The following TMEM45B variants were observed in gnomAD, a reference collection of about 807,000 sequenced individuals.
TMEM45B encodes transmembrane protein 45B.
A neutral mutation model predicts 27.3 loss-of-function variants in TMEM45B; 29 were observed. The observed-to-expected ratio is 1.06, with a 90% CI of 0.79 to 1.45. TMEM45B has a LOEUF of 1.45. TMEM45B is among the 40% of genes most tolerant of loss of function. The pLI, the probability that TMEM45B is intolerant of heterozygous loss-of-function variation, is 0.00. For missense variants in TMEM45B, 348 were observed against 343.9 expected (o/e 1.01, Z -0.09); for synonymous variants, 143 against 134.7 (o/e 1.06, Z -0.43).
chr11:129,853,988 T>C (rs974959647), intron 2 of TMEM45B, among the ~76,000 whole-genome samples: 5 of 152,246 alleles, frequency 3.3e-5, no homozygotes, highest in Non-Finnish European at 7.3e-5. Flanking sequence ...CGTCATTTTC[T>C]GGCCCACATC....
rs180837598 is a variant in TMEM45B at position 129,816,826 on chromosome 11, C to T, written c.-9+928C>T. The stretch of plus-strand genomic sequence containing the variant: ...AATCTCGGATCACTGCAAGCTCCAC[C>T]TCCCGGGTTCACACCATTCTCCTGC... On this transcript the variant is annotated intron_variant, in intron 1 of 5. Transcript: ENST00000281441. Among the ~76,000 whole-genome samples the T allele has an allele frequency of 1.3e-4, 19 of 149,802 alleles. No homozygotes were observed. In the East Asian group the frequency reaches 3.7e-3, roughly 30 times the overall value.
At chr11:129,826,056 T>C (rs1477401733) in intron 1 of TMEM45B, among the ~76,000 whole-genome samples, 2 of 151,794 alleles carry the variant, frequency 1.3e-5, no homozygotes, top group African/African-American at 2.4e-5. Context: ...TTCACTCTAA[T>C]GTATGCTGAG....
chr11:129,840,201 C>T (rs1301661604), intron 1 of TMEM45B, among the ~76,000 whole-genome samples: 5 of 152,094 alleles, frequency 3.3e-5, no homozygotes, highest in African/African-American at 1.2e-4. Context: ...GAAATATAGC[C>T]CATCCCCATC....
At chr11:129,818,160 C>A (rs1591430828) in intron 1 of TMEM45B, among the ~76,000 whole-genome samples, 1 of 152,210 alleles carries the variant, frequency 6.6e-6, no homozygotes, top group East Asian at 1.9e-4. Context: ...ACCCCTCTCC[C>A]CAAAACCTTC....
At chr11:129,853,256 C>T (rs1004706585) in intron 2 of TMEM45B, among the ~76,000 whole-genome samples, 12 of 152,234 alleles carry the variant, frequency 7.9e-5, no homozygotes, top group African/African-American at 2.7e-4. Flanking sequence ...CCACTCCGCT[C>T]CACTGCGGCC....
chr11:129,851,624 C>T (rs543729286), intron 1 of TMEM45B, among the ~76,000 whole-genome samples: 40 of 151,366 alleles, frequency 2.6e-4, no homozygotes, highest in Middle Eastern at 3.4e-3. Context: ...ATTCAAACCA[C>T]AGCAATCACC....
At chr11:129,822,841 CTTTTT>C (rs981694529) in intron 1 of TMEM45B, among the ~76,000 whole-genome samples, 4 of 134,128 alleles carry the variant, frequency 3.0e-5, no homozygotes, top group African/African-American at 5.6e-5. Flanking sequence ...AAACATTTTT[CTTTTT>C]TTTTTTTTTT....
intron 1 of TMEM45B, among the ~76,000 whole-genome samples, chr11:129,849,140 C>T (rs1189216038): frequency 6.6e-6 from 1 of 152,174 alleles, no homozygotes; most frequent in Non-Finnish European, 1.5e-5. Flanking sequence ...AATCTAAGTC[C>T]AGAATCTTAT....
At chr11:129,852,818 G>T in intron 2 of TMEM45B, 158 bp downstream of exon 2, 1 of 719,998 alleles carries the variant, frequency 1.4e-6, no homozygotes, top group Non-Finnish European at 2.2e-6. Flanking sequence ...AACATCCATT[G>T]TGTACAGAGC....
At chr11:129,841,660 G>A (rs1436747596) in intron 1 of TMEM45B, among the ~76,000 whole-genome samples, 3 of 148,454 alleles carry the variant, frequency 2.0e-5, no homozygotes, top group Admixed American at 6.8e-5. Flanking sequence ...GCAGTGACGT[G>A]ATCTCAGCTC....
At chr11:129,836,716 G>C (rs1408191322) in intron 1 of TMEM45B, among the ~76,000 whole-genome samples, 3 of 152,124 alleles carry the variant, frequency 2.0e-5, no homozygotes, top group African/African-American at 7.2e-5. Flanking sequence ...GCCAAGGAGA[G>C]AGGCCTCCAG....
chr11:129,857,503 AG>A, intron 5 of TMEM45B, 45 bp downstream of exon 5: 1 of 1,607,700 alleles, frequency 6.2e-7, no homozygotes, highest in Admixed American at 1.7e-5. Context: ...AACTCTAAGC[AG>A]GACTGATGTG....
chr11:129,826,399 A>G (rs893855211), intron 1 of TMEM45B, among the ~76,000 whole-genome samples: 19 of 151,878 alleles, frequency 1.3e-4, no homozygotes, highest in Admixed American at 1.2e-3. Context: ...AATACAAAAA[A>G]TTAGCTGGGC....
chr11:129,845,337 A>ATGTGTGTG (rs10628378), intron 1 of TMEM45B, among the ~76,000 whole-genome samples: 31 of 121,526 alleles, frequency 2.6e-4, no homozygotes, highest in East Asian at 1.6e-3. Context: ...GCTATTATAG[A>ATGTGTGTG]TGTGTGTGTG....
At chr11:129,830,290 G>T (rs747338822) in intron 1 of TMEM45B, among the ~76,000 whole-genome samples, 14 of 152,304 alleles carry the variant, frequency 9.2e-5, no homozygotes, top group Non-Finnish European at 1.9e-4. Flanking sequence ...TCATGCCATT[G>T]CACTCCAGCC....
At chr11:129,851,548 A>G (rs1371412965) in intron 1 of TMEM45B, among the ~76,000 whole-genome samples, 1 of 140,586 alleles carries the variant, frequency 7.1e-6, no homozygotes, top group Non-Finnish European at 1.6e-5. Flanking sequence ...TGCCTCAAAA[A>G]AAAAAAAAAA....
At chr11:129,830,580 A>G (rs1036796451) in intron 1 of TMEM45B, among the ~76,000 whole-genome samples, 1 of 152,252 alleles carries the variant, frequency 6.6e-6, no homozygotes, top group Admixed American at 6.5e-5. Context: ...TGCAAATAAT[A>G]TATCTGATAA....
At chr11:129,833,245 A>G (rs1422879593) in intron 1 of TMEM45B, among the ~76,000 whole-genome samples, 1 of 131,164 alleles carries the variant, frequency 7.6e-6, no homozygotes, top group Non-Finnish European at 1.7e-5. Context: ...GTCTCAAAAA[A>G]TAAACAGAAA....
At position 129,843,088 on chromosome 11, in the gene TMEM45B, C is replaced by T. The variant is rs184883555; in HGVS notation, c.-8-9387C>T. ...CCGAGTGGCTGGAACTACAGGCATG[C>T]GCCACCACGGCTGGCTAATTTTTTG... On this transcript the variant is annotated intron_variant, in intron 1 of 5. Coordinates refer to ENST00000281441, the MANE Select transcript of TMEM45B (RefSeq NM_138788.5). Among the ~76,000 whole-genome samples, 872 of 152,290 alleles carry T rather than the reference C, an allele frequency of 5.7e-3. 14 individuals are homozygous for T. The highest frequency in any genetic ancestry group is 0.02 in the African/African-American group (815 of 41,568).
Sources: gnomAD v4.1 joint callset for allele counts (sites outside exome capture counted in the v4.1 genomes callset) on GRCh38, gnomAD v4.1.1 for gene constraint, MANE v1.5 for transcripts, NCBI Gene and HGNC (gene_info 2026-07-23, HGNC 2026-07-21) for gene names.